The following DAB1 variants were observed in gnomAD, a reference collection of about 807,000 sequenced individuals.
DAB1 encodes the protein disabled homolog 1.
Under a neutral mutation model 64.6 loss-of-function variants are expected in DAB1, and 15 were observed. The ratio of observed to expected loss-of-function variants is 0.23; its 90% CI spans 0.16 to 0.36. DAB1 has a LOEUF of 0.36. Ranked by LOEUF, DAB1 falls within the 10% of genes least tolerant of loss-of-function variation. The probability of loss-of-function intolerance (pLI) is 1.00; values close to 1 mark genes in which losing one functional copy is unlikely to be tolerated. For synonymous variants in DAB1, 235 were observed against 251.9 expected (o/e 0.93, Z 0.64); for missense variants, 596 against 706.7 (o/e 0.84, Z 1.78).
chr1:57,337,961 C>A (rs1198079961), intron 1 of DAB1, among the ~76,000 whole-genome samples: 1 of 148,312 alleles, frequency 6.7e-6, no homozygotes. Flanking sequence ...TCTTCTCTCT[C>A]TTTTCTCCCT....
At chr1:58,461,493 A>G (rs929040227) in intron 3 of DAB1, among the ~76,000 whole-genome samples, 11 of 152,258 alleles carry the variant, frequency 7.2e-5, no homozygotes, top group African/African-American at 2.7e-4. Context: ...TTGGCGGGCC[A>G]GTGCTACTCA....
intron 7 of DAB1, among the ~76,000 whole-genome samples, chr1:57,536,111 G>C (rs1168881659): frequency 6.6e-6 from 1 of 152,136 alleles, no homozygotes; most frequent in Non-Finnish European, 1.5e-5. Flanking sequence ...GCAAACATTA[G>C]CTCCACAGTA....
At chr1:58,341,118 A>G (rs1013060601) in intron 4 of DAB1, among the ~76,000 whole-genome samples, 6 of 152,216 alleles carry the variant, frequency 3.9e-5, no homozygotes, top group African/African-American at 1.4e-4. Flanking sequence ...AACAATGTGC[A>G]TTAATTTGAA....
chr1:58,258,661 A>G (rs1157802138), intron 4 of DAB1, among the ~76,000 whole-genome samples: 1 of 152,258 alleles, frequency 6.6e-6, no homozygotes, highest in African/African-American at 2.4e-5. Flanking sequence ...CGCTGGAGAA[A>G]GACGAAGGTT....
intron 1 of DAB1, among the ~76,000 whole-genome samples, chr1:57,839,501 T>C (rs1281326394): frequency 6.6e-6 from 1 of 152,208 alleles, no homozygotes; most frequent in Admixed American, 6.5e-5. Context: ...AATTATTGGC[T>C]AAAAAACATT....
chr1:58,536,563 A>G (rs1476460512), intron 1 of DAB1: 10 of 872,858 alleles, frequency 1.1e-5, no homozygotes, highest in Non-Finnish European at 2.0e-5. Context: ...TTCCCCAATA[A>G]TAGTAGCTTG....
intron 3 of DAB1, among the ~76,000 whole-genome samples, chr1:58,345,731 A>C (rs1001388787): frequency 6.6e-6 from 1 of 151,814 alleles, no homozygotes; most frequent in Non-Finnish European, 1.5e-5. Flanking sequence ...CCTCGTGCCT[A>C]AGAGGACCTC....
At chr1:57,596,384 G>C (rs530364212) in intron 7 of DAB1, among the ~76,000 whole-genome samples, 1 of 152,138 alleles carries the variant, frequency 6.6e-6, no homozygotes, top group Non-Finnish European at 1.5e-5. Context: ...TGTTTACTCC[G>C]AGCACCTGAA....
At chr1:57,101,192 C>CCG (rs1352733998) in intron 4 of DAB1, among the ~76,000 whole-genome samples, 8 of 152,158 alleles carry the variant, frequency 5.3e-5, no homozygotes, top group Non-Finnish European at 1.2e-4. Context: ...GACCCAAACA[C>CCG]AAGACTACAC....
chr1:57,720,866 A>C (rs1023472750), intron 6 of DAB1, among the ~76,000 whole-genome samples: 15 of 152,122 alleles, frequency 9.9e-5, no homozygotes, highest in Non-Finnish European at 1.9e-4. Flanking sequence ...CATTCAGTCA[A>C]AGTAGGAAAA....
In DAB1 at chr1:58,296,236, A is replaced by AGAAG. The variant is rs1553173612; in HGVS notation, n.309+47115_309+47116insCTTC. Among the ~76,000 whole-genome samples, 12 of 151,906 alleles carry AGAAG rather than the reference A, an allele frequency of 7.9e-5. No homozygotes were observed. The East Asian group carries it at 1.9e-3, about 25-fold the overall frequency. On this transcript the variant is annotated intron_variant and non_coding_transcript_variant, in intron 4 of 20. Coordinates refer to the DAB1 transcript ENST00000485760. Reference sequence around the variant, plus strand: ...AAGAAAGAAAGAAAGAAAGAAAGAAAGAAAGAAAGAAAGAAAGAAAGAAAG... The same window carrying AGAAG: ...AAGAAAGAAAGAAAGAAAGAAAGAAAGAAGGAAAGAAAGAAAGAAAGAAAGAAAG...
chr1:57,754,882 A>C (rs1448229302), intron 6 of DAB1, among the ~76,000 whole-genome samples: 1 of 152,122 alleles, frequency 6.6e-6, no homozygotes, highest in Non-Finnish European at 1.5e-5. Flanking sequence ...GCTGAGCTCC[A>C]AGACGGCAGA....
chr1:57,320,177 G>A (rs1052370740), intron 1 of DAB1, among the ~76,000 whole-genome samples: 14 of 152,144 alleles, frequency 9.2e-5, no homozygotes, highest in African/African-American at 3.1e-4. Flanking sequence ...CTGTATTATG[G>A]GGGGTGCCAG....
At chr1:57,989,530 C>T (rs1646297427) in intron 5 of DAB1, among the ~76,000 whole-genome samples, 1 of 152,120 alleles carries the variant, frequency 6.6e-6, no homozygotes, top group Non-Finnish European at 1.5e-5. Flanking sequence ...ATGCCCTCAC[C>T]CCTCAATTTC....
intron 1 of DAB1, among the ~76,000 whole-genome samples, chr1:57,320,468 A>C (rs1675613871): frequency 6.6e-6 from 1 of 152,206 alleles, no homozygotes; most frequent in East Asian, 1.9e-4. Flanking sequence ...TAATGAAAAA[A>C]TAGATCTTCT....
intron 1 of DAB1, among the ~76,000 whole-genome samples, chr1:57,395,748 GA>G (rs1682754214): frequency 1.2e-5 from 1 of 83,050 alleles, no homozygotes; most frequent in Non-Finnish European, 2.6e-5. Flanking sequence ...CCATATTAGG[GA>G]ATACAGACCT....
intron 9 of DAB1, among the ~76,000 whole-genome samples, chr1:57,053,080 C>T (rs1296196475): frequency 1.3e-5 from 2 of 152,164 alleles, no homozygotes; most frequent in African/African-American, 4.8e-5. Flanking sequence ...TCTCACAGGG[C>T]CCTGAGATGT....
chr1:57,440,905 T>C (rs1027227465), intron 7 of DAB1, among the ~76,000 whole-genome samples: 4 of 152,216 alleles, frequency 2.6e-5, no homozygotes, highest in Non-Finnish European at 5.9e-5. Flanking sequence ...AGGAGTTACA[T>C]GTGCAGGTTT....
At chr1:57,844,191 C>T (rs1018316848) in intron 1 of DAB1, among the ~76,000 whole-genome samples, 1 of 152,214 alleles carries the variant, frequency 6.6e-6, no homozygotes, top group Non-Finnish European at 1.5e-5. Context: ...TCCCTCAGAC[C>T]AGCATTCATA....
Sources: allele counts gnomAD v4.1 joint callset (sites outside exome capture counted in the v4.1 genomes callset), GRCh38; gene constraint gnomAD v4.1.1; transcripts MANE v1.5; gene names NCBI Gene and HGNC (gene_info 2026-07-23, HGNC 2026-07-21).